The following PLCE1 variants were observed in gnomAD, a reference collection of about 807,000 sequenced individuals.
The protein encoded by PLCE1 is phospholipase C epsilon 1, also known as 1-phosphatidylinositol 4,5-bisphosphate phosphodiesterase epsilon-1.
Under a neutral mutation model 242.8 loss-of-function variants are expected in PLCE1, and 119 were observed. That is an observed-to-expected ratio of 0.49 (90% confidence interval 0.42 to 0.57). PLCE1 has a LOEUF of 0.57. Ranked by LOEUF, PLCE1 falls within the 20% of genes least tolerant of loss-of-function variation. PLCE1 has a pLI of 0.00. For synonymous variants in PLCE1, 945 were observed against 1,017.4 expected (o/e 0.93, Z 1.35); for missense variants, 2,441 against 2,788.8 (o/e 0.88, Z 2.81).
At chr10:94,151,660 G>C (rs929630354) in intron 3 of PLCE1, among the ~76,000 whole-genome samples, 3 of 152,134 alleles carry the variant, frequency 2.0e-5, no homozygotes, top group South Asian at 2.1e-4. Flanking sequence ...CTTAGGATGA[G>C]AGAGGGGTGT....
chr10:94,311,044 G>C (rs2053371755), intron 27 of PLCE1, among the ~76,000 whole-genome samples: 1 of 152,190 alleles, frequency 6.6e-6, no homozygotes, highest in Non-Finnish European at 1.5e-5. Context: ...GATCAGAACA[G>C]ATGTACTTCA....
intron 1 of PLCE1, among the ~76,000 whole-genome samples, chr10:94,009,747 TA>T (rs2061130170): frequency 6.6e-6 from 1 of 152,238 alleles, no homozygotes; most frequent in South Asian, 2.1e-4. Context: ...GGGCAGGCAT[TA>T]AACCTTAAAG....
At chr10:94,028,487 C>A (rs927691027) in intron 1 of PLCE1, among the ~76,000 whole-genome samples, 9 of 152,122 alleles carry the variant, frequency 5.9e-5, no homozygotes, top group Non-Finnish European at 1.3e-4. Context: ...TGTACTGTTC[C>A]TTCTACCACA....
At position 94,313,427 on chromosome 10, in the gene PLCE1, G is replaced by A. The variant is rs144004437; in HGVS notation, c.6132+45G>A. On this transcript the variant is annotated intron_variant, in intron 28 of 32. Transcript: ENST00000371380. ...GTTGGGAGAATCCAAAATCTAAGAT[G>A]TATGGATGTATGTGTGTGTATAAAT... The A allele has an allele frequency of 4.1e-5, 66 of 1,607,718 alleles. No homozygotes were observed. The East Asian group carries it at 1.0e-3, about 26-fold the overall frequency.
At position 94,106,689 on chromosome 10, in the gene PLCE1, T is replaced by C. The variant is rs972515625; in HGVS notation, c.1207-25485T>C. Among the ~76,000 whole-genome samples, 3 of 152,110 alleles carry C rather than the reference T, an allele frequency of 2.0e-5. No individual in the cohort carries two copies. In the South Asian group the frequency reaches 6.2e-4, roughly 31 times the overall value. ...CCAATTTATCCTCCCACAAATAGTG[T>C]CTTGCAGTTTGCCATGATTCCCTTT... On this transcript the variant is annotated intron_variant, in intron 2 of 32. Transcript: ENST00000371380.
intron 3 of PLCE1, among the ~76,000 whole-genome samples, chr10:94,155,420 C>T (rs2136155025): frequency 6.6e-6 from 1 of 152,178 alleles, no homozygotes; most frequent in East Asian, 1.9e-4. Context: ...ATGAAATGTC[C>T]AGCATGGGCA....
At position 94,305,888 on chromosome 10, in the gene PLCE1, G is replaced by A. The variant is rs190173362; in HGVS notation, c.5623-539G>A. 2.0e-5 allele frequency among the ~76,000 whole-genome samples: 3 copies of A among 152,162 alleles called. No homozygotes were observed. In the East Asian group the frequency reaches 5.8e-4, roughly 29 times the overall value. On this transcript the variant is annotated intron_variant, in intron 25 of 32. Coordinates refer to ENST00000371380, the MANE Select transcript of PLCE1 (RefSeq NM_016341.4). The stretch of plus-strand genomic sequence containing the variant: ...TTGAAGATATTTGAACATTTTGATA[G>A]TTGAAAGCTTACAGTTAAGTGAATG...
At chr10:94,238,346 G>T (rs1284360748) in intron 7 of PLCE1, among the ~76,000 whole-genome samples, 2 of 152,192 alleles carry the variant, frequency 1.3e-5, no homozygotes, top group African/African-American at 4.8e-5. Context: ...CTTCAAGTAG[G>T]CTTGTCTAAC....
intron 2 of PLCE1, among the ~76,000 whole-genome samples, chr10:94,055,157 G>C (rs2043868859): frequency 6.6e-6 from 1 of 151,920 alleles, no homozygotes; most frequent in Non-Finnish European, 1.5e-5. Context: ...TAAGGAGGCA[G>C]TATAATAATG....
chr10:94,163,705 T>C (rs142402309), intron 3 of PLCE1, among the ~76,000 whole-genome samples: 3 of 152,304 alleles, frequency 2.0e-5, no homozygotes, highest in Non-Finnish European at 4.4e-5. Flanking sequence ...CATTATGATG[T>C]TAGCTGGTTA....
At chr10:94,289,607 G>A (rs900877120) in intron 22 of PLCE1, among the ~76,000 whole-genome samples, 1 of 152,144 alleles carries the variant, frequency 6.6e-6, no homozygotes, top group Non-Finnish European at 1.5e-5. Context: ...CACTGAATAC[G>A]GTAGGTAAGT....
chr10:94,018,295 G>A (rs556170823), intron 1 of PLCE1, among the ~76,000 whole-genome samples: 11 of 152,190 alleles, frequency 7.2e-5, no homozygotes, highest in African/African-American at 2.2e-4. Flanking sequence ...CTTCCCCCTC[G>A]TTGCCAGGCT....
chr10:94,316,781 C>G, intron 29 of PLCE1, 25 bp downstream of exon 29: 1 of 1,526,636 alleles, frequency 6.6e-7, no homozygotes, highest in Non-Finnish European at 9.1e-7. Context: ...GTGCAGCCTA[C>G]ACAGTAACGA....
intron 3 of PLCE1, chr10:94,137,828 C>A (rs1040952899): frequency 1.3e-5 from 3 of 231,078 alleles, no homozygotes; most frequent in Non-Finnish European, 2.6e-5. Flanking sequence ...CCCAATGAAG[C>A]TTTACCAATT....
intron 4 of PLCE1, among the ~76,000 whole-genome samples, chr10:94,188,162 G>T (rs1348393447): frequency 6.6e-6 from 1 of 152,092 alleles, no homozygotes; most frequent in South Asian, 2.1e-4. Context: ...AGTAAAATTT[G>T]TCTTGTATTT....
rs199705167 is a variant in PLCE1 at position 94,259,163 on chromosome 10, T to G, written c.3814+13T>G. On this transcript the variant is annotated intron_variant, in intron 13 of 32. Coordinates refer to ENST00000371380, the MANE Select transcript of PLCE1 (RefSeq NM_016341.4). ...CAGCCTGACCTAGGTTTGTTGAACATTTTAGGATTTCCCTTTGGGATCAAT... is the reference window on the plus strand; with the variant it reads ...CAGCCTGACCTAGGTTTGTTGAACAGTTTAGGATTTCCCTTTGGGATCAAT... The G allele has an allele frequency of 3.4e-4, 543 of 1,613,688 alleles. 2 individuals are homozygous for G. The highest frequency in any genetic ancestry group is 3.1e-3 in the Middle Eastern group (19 of 6,082).
chr10:94,064,552 TAAAAG>T (rs1182492425), intron 2 of PLCE1, among the ~76,000 whole-genome samples: 1 of 151,882 alleles, frequency 6.6e-6, no homozygotes, highest in Non-Finnish European at 1.5e-5. Context: ...AAAAAAATAA[TAAAAG>T]AAAGACCATG....
At chr10:94,187,049 G>A (rs1316541553) in intron 4 of PLCE1, among the ~76,000 whole-genome samples, 1 of 151,730 alleles carries the variant, frequency 6.6e-6, no homozygotes, top group Non-Finnish European at 1.5e-5. Flanking sequence ...TAAGACATGG[G>A]GCTAAAAAAA....
chr10:94,165,613 T>C (rs2047773992), intron 3 of PLCE1, among the ~76,000 whole-genome samples: 2 of 152,098 alleles, frequency 1.3e-5, no homozygotes, highest in South Asian at 4.1e-4. Flanking sequence ...ACCATATATA[T>C]TGGAAAAAAA....
Sources: gnomAD v4.1 joint callset for allele counts (sites outside exome capture counted in the v4.1 genomes callset) on GRCh38, gnomAD v4.1.1 for gene constraint, MANE v1.5 for transcripts, NCBI Gene and HGNC (gene_info 2026-07-23, HGNC 2026-07-21) for gene names.